The following SLC12A5 variants were observed in gnomAD, a reference collection of about 807,000 sequenced individuals.
SLC12A5 encodes the protein K-Cl cotransporter 2.
Under a neutral mutation model 124.0 loss-of-function variants are expected in SLC12A5, and 18 were observed. The ratio of observed to expected loss-of-function variants is 0.15; its 90% CI spans 0.10 to 0.22. The LOEUF is 0.22. Among genes scored for constraint, SLC12A5 ranks in the 10% least tolerant of loss-of-function variants. SLC12A5 has a pLI of 1.00. For missense variants in SLC12A5, 867 were observed against 1,478.7 expected, an observed-to-expected ratio of 0.59 and a Z score of 6.78; for synonymous variants, 589 against 568.0, an observed-to-expected ratio of 1.04 and a Z score of -0.53.
chr20:46,033,093 C>T lies in SLC12A5; in HGVS notation c.53-1855C>T, dbSNP rs112684316. 7.8e-3 allele frequency among the ~76,000 whole-genome samples: 1,193 copies of T among 152,114 alleles called. 13 individuals carry two copies. Among genetic ancestry groups the T allele is most frequent in the African/African-American group, 0.027 (1,136 of 41,486 alleles). On this transcript the variant is annotated intron_variant, in intron 1 of 25. Transcript: ENST00000243964. ...GGGTGGTGGGTTTCTTTGGAGCAGG[C>T]GAGGCATCACTCCTCCTGGCCCAAT...
chr20:46,025,573 A>G (rs868414565), upstream of SLC12A5, among the ~76,000 whole-genome samples: 2 of 152,166 alleles, frequency 1.3e-5, no homozygotes, highest in Middle Eastern at 3.4e-3. Flanking sequence ...GCAGTGAGAA[A>G]GGGGTCCGGA....
At chr20:46,023,328 A>C (rs1292949013) in intron 2 of SLC12A5, 1 of 398,476 alleles carries the variant, frequency 2.5e-6, no homozygotes, top group African/African-American at 2.1e-5. Flanking sequence ...GAAAGTAAGA[A>C]ATTCTGGAGC....
chr20:46,043,255 C>G lies in SLC12A5; in HGVS notation c.1169C>G (p.Pro390Arg). 1 of 1,614,066 alleles carries G rather than the reference C, an allele frequency of 6.2e-7. No homozygotes were observed. Among genetic ancestry groups the G allele is most frequent in the African/African-American group, 1.3e-5 (1 of 75,010 alleles). ...ADGTPIDMDH[P>R]YVFSDMTSYF... is the part of the protein sequence containing the mutation. ...GGCACTCCTATCGACATGGACCACC[C>G]TTATGTCTTCAGTGATATGACCTCC... The change falls in exon 9 of 26, where the codon CCT becomes CGT. Residue 390 changes from proline to arginine, a missense_variant. This residue lies in a region of SLC12A5 where 152 missense variants were observed against 358.7 expected (regional missense o/e 0.42). Coordinates refer to ENST00000243964, the MANE Select transcript of SLC12A5 (RefSeq NM_020708.5).
In SLC12A5 at chr20:46,022,025, G is replaced by T. The variant is rs545459360; in HGVS notation, c.48+139G>T. 711 of 1,064,420 alleles carry T rather than the reference G, an allele frequency of 6.7e-4. 2 individuals are homozygous for T. The African/African-American group carries it at 0.011, about 17-fold the overall frequency. The allele number at this position is 1,064,420 out of a possible 1,614,324, so 65.9% of individuals were successfully genotyped here. ...CAGCCCTAGGCCTGAGAGGGGAATG[G>T]AGCCAGGACTAGGAAACCAAGGGGC... On this transcript the variant is annotated intron_variant, in intron 1 of 2. Coordinates refer to the SLC12A5 transcript ENST00000413737.
chr20:46,052,099 A>G (rs1477245621), intron 18 of SLC12A5, among the ~76,000 whole-genome samples: 1 of 152,158 alleles, frequency 6.6e-6, no homozygotes, highest in Non-Finnish European at 1.5e-5. Flanking sequence ...TGCAGCGCTC[A>G]CAGGCCCTGG....
At chr20:46,044,802 C>G (rs2084578992) in intron 11 of SLC12A5, 164 bp from the exon 12 acceptor site, 2 of 755,338 alleles carry the variant, frequency 2.6e-6, no homozygotes, top group Non-Finnish European at 4.3e-6. Flanking sequence ...ATTATTTTAT[C>G]AAGGAAAAAA....
chr20:46,027,242 C>T (rs1274023404), upstream of SLC12A5, among the ~76,000 whole-genome samples: 7 of 152,118 alleles, frequency 4.6e-5, no homozygotes, highest in Non-Finnish European at 1.0e-4. Flanking sequence ...GCCAAGAATA[C>T]CAGTGCCCAC....
chr20:46,030,223 G>T (rs1266239486), intron 1 of SLC12A5, among the ~76,000 whole-genome samples: 2 of 152,034 alleles, frequency 1.3e-5, no homozygotes, highest in Admixed American at 1.3e-4. Context: ...GGGCGGGGCG[G>T]GGGGGAGTCT....
chr20:46,048,878 A>AAG lies in SLC12A5; in HGVS notation c.2013-744_2013-743insAG, dbSNP rs1555866117. Among the ~76,000 whole-genome samples, 1,054 of 149,214 alleles carry AAG rather than the reference A, an allele frequency of 7.1e-3. 14 individuals are homozygous for AAG. Among genetic ancestry groups the AAG allele is most frequent in the African/African-American group, 0.025 (1,001 of 40,548 alleles). On this transcript the variant is annotated intron_variant, in intron 16 of 25. Coordinates refer to ENST00000243964, the MANE Select transcript of SLC12A5 (RefSeq NM_020708.5). Reference sequence around the variant, plus strand: ...GTGAGACCCTGTCTCAAAAAAAAAAAGGGGGAAATTGGAGGTCAGAGAGGA... The same window carrying AAG: ...GTGAGACCCTGTCTCAAAAAAAAAAAAGGGGGGAAATTGGAGGTCAGAGAGGA...
chr20:46,044,623 AAGGG>A (rs1472225990), intron 11 of SLC12A5: 44 of 298,156 alleles, frequency 1.5e-4, no homozygotes, highest in Non-Finnish European at 2.2e-4. Flanking sequence ...CTCATGTCTG[AAGGG>A]CATGAGCACA....
In SLC12A5 at chr20:46,029,302, G is replaced by A. The variant is rs1393212540; in HGVS notation, c.-43G>A. 25 of 1,517,308 alleles carry A rather than the reference G, an allele frequency of 1.6e-5. No homozygotes were observed. The highest frequency in any genetic ancestry group is 2.2e-5 in the Non-Finnish European group (25 of 1,132,996). 94.0% of individuals were successfully genotyped at this position (1,517,308 alleles called of 1,614,324 possible). A position where few individuals can be genotyped will look rare whatever the true frequency, so the allele number is the denominator to read the frequency against. ...CGAAGGCGGGTAGAGGGGCGCGGGC[G>A]AGGCGGCGCAGCCATCCCCGGACCA... On this transcript the variant is annotated 5_prime_UTR_variant, in exon 1 of 26. Coordinates refer to ENST00000243964, the MANE Select transcript of SLC12A5 (RefSeq NM_020708.5).
Position 46,041,508 on chromosome 20 carries a change from G to C in SLC12A5, c.1034G>C (p.Gly345Ala). The part of the protein sequence containing the change: ...FTRNNVTEIQ[G>A]IPGAASGLIK... ...CGAAACAATGTCACAGAGATCCAGG[G>C]CATCCCTGGTGCTGCCAGTGGCCTC... Residue 345 changes from glycine to alanine, a missense_variant, in exon 8 of 26, where the codon GGC becomes GCC. Transcript: ENST00000243964. 2.5e-6 allele frequency: 4 copies of C among 1,614,054 alleles called. No homozygotes were observed. The highest frequency in any genetic ancestry group is 3.4e-6 in the Non-Finnish European group (4 of 1,179,996).
At chr20:46,046,045 A>C (rs770974393) in intron 13 of SLC12A5, 49 bp downstream of exon 13, 5 of 1,551,518 alleles carry the variant, frequency 3.2e-6, no homozygotes, top group East Asian at 2.2e-5. Flanking sequence ...GTGTTTCTCT[A>C]TCTGAATCCT....
chr20:46,048,056 G>A lies in SLC12A5; in HGVS notation c.1983G>A (p.Glu661=), dbSNP rs1179563553. The A allele has an allele frequency of 1.9e-6, 3 of 1,612,558 alleles. No homozygotes were observed. The highest frequency in any genetic ancestry group is 2.5e-6 in the Non-Finnish European group (3 of 1,179,376). Reference sequence around the variant, plus strand: ...CTCGCTATGCCCTCTTACGCCTGGAGGAAGGGCCCCCACACACCAAGAACT... The same window carrying A: ...CTCGCTATGCCCTCTTACGCCTGGAAGAAGGGCCCCCACACACCAAGAACT... ...SAARYALLRL[E]EGPPHTKNWR... The change falls in exon 16 of 26, where the codon GAG becomes GAA. Residue 661 remains glutamate, a synonymous_variant. Coordinates refer to ENST00000243964, the MANE Select transcript of SLC12A5 (RefSeq NM_020708.5).
intron 2 of SLC12A5, chr20:46,023,245 T>G (rs916486906): frequency 2.5e-6 from 1 of 398,234 alleles, no homozygotes; most frequent in Admixed American, 4.4e-5. Flanking sequence ...TTTCTTGGGC[T>G]CCTTCCACTC....
intron 1 of SLC12A5, chr20:46,022,174 T>G: frequency 2.3e-5 from 6 of 264,136 alleles, no homozygotes; most frequent in South Asian, 6.8e-5. Context: ...GGTCTGGTGA[T>G]GGAAAGGCCG....
At position 46,047,490 on chromosome 20, in the gene SLC12A5, C is replaced by T. The variant is rs959050230; in HGVS notation, c.1824C>T (p.Ala608=). Residue 608 remains alanine (A), a synonymous_variant, in exon 15 of 26, where the codon GCC becomes GCT. Coordinates refer to ENST00000243964, the MANE Select transcript of SLC12A5 (RefSeq NM_020708.5). ...TCCTGGGCATGAGCCTCTGCCTGGC[C>T]CTCATGTTCATCTGCTCCTGGTATT... ...LSFLGMSLCL[A]LMFICSWYYA... is the part of the protein sequence containing the mutation. The T allele has an allele frequency of 1.2e-5, 19 of 1,614,062 alleles. No homozygotes were observed. The highest frequency in any genetic ancestry group is 1.4e-5 in the Non-Finnish European group (16 of 1,179,960).
At position 46,057,060 on chromosome 20, in the gene SLC12A5, G is replaced by T; in HGVS notation, c.3126-110G>T. 1 of 1,589,710 alleles carries T rather than the reference G, an allele frequency of 6.3e-7. No individual in the cohort carries two copies. The highest frequency in any genetic ancestry group is 1.3e-5 in the African/African-American group (1 of 74,334). On this transcript the variant is annotated intron_variant, in intron 24 of 25. Coordinates refer to ENST00000243964, the MANE Select transcript of SLC12A5 (RefSeq NM_020708.5). This position sits in a 1 kb window ranked among gnomAD's most constrained non-coding sequence, Gnocchi z 7.1. ...AGATGTTTAGGATTGGTGGTCCTAG[G>T]CTTGCAAGAACCAGTCCCCAGCAGC...
intron 11 of SLC12A5, 81 bp downstream of exon 11, chr20:46,044,014 G>T: frequency 7.1e-7 from 1 of 1,417,542 alleles, no homozygotes; most frequent in Non-Finnish European, 9.6e-7. Flanking sequence ...CCCATCAGGA[G>T]GTGCTGGGAC....
Sources: allele counts gnomAD v4.1 joint callset (sites outside exome capture counted in the v4.1 genomes callset), GRCh38; gene constraint gnomAD v4.1.1; regional missense constraint gnomAD v4.1.1; non-coding constraint Gnocchi (gnomAD v3.1); transcripts MANE v1.5; gene names NCBI Gene and HGNC (gene_info 2026-07-23, HGNC 2026-07-21).